Variants in VSIG8 observed in about 807,000 individuals in gnomAD.
VSIG8 encodes V-set and immunoglobulin domain containing 8.
Under a neutral mutation model 42.6 loss-of-function variants are expected in VSIG8, and 32 were observed. The ratio of observed to expected loss-of-function variants is 0.75; its 90% CI spans 0.57 to 1.01. The LOEUF (loss-of-function observed/expected upper bound fraction) is 1.01. Ranked by LOEUF, VSIG8 falls within the 50% of genes least tolerant of loss-of-function variation. The probability of loss-of-function intolerance (pLI) is 0.00; values close to 1 mark genes in which losing one functional copy is unlikely to be tolerated. For missense variants in VSIG8, 529 were observed against 558.0 expected, an observed-to-expected ratio of 0.95 and a Z score of 0.52; for synonymous variants, 290 against 243.8, an observed-to-expected ratio of 1.19 and a Z score of -1.77.
At chr1:159,856,736 G>A (rs1648842761) in intron 4 of VSIG8, 93 bp from the exon 5 acceptor site, 2 of 1,541,478 alleles carry the variant, frequency 1.3e-6, no homozygotes, top group Non-Finnish European at 1.8e-6. Flanking sequence ...CACTCTAGAA[G>A]AAGGGAAGGC....
At chr1:159,855,059 G>A in intron 6 of VSIG8, 33 bp from the exon 7 acceptor site, 2 of 1,567,312 alleles carry the variant, frequency 1.3e-6, no homozygotes, top group Middle Eastern at 1.8e-4. Context: ...GGGTGAGCGG[G>A]CTGCTCCGCA....
intron 1 of VSIG8, among the ~76,000 whole-genome samples, chr1:159,859,492 GTC>G (rs1457430572): frequency 6.6e-6 from 1 of 152,222 alleles, no homozygotes; most frequent in Non-Finnish European, 1.5e-5. Context: ...GACTAAGTGT[GTC>G]TATGTGTGTC....
At chr1:159,857,181 C>T (rs2101828945) in intron 4 of VSIG8, among the ~76,000 whole-genome samples, 1 of 152,280 alleles carries the variant, frequency 6.6e-6, no homozygotes, top group East Asian at 1.9e-4. Context: ...GTGTCCCAGC[C>T]AGGATTCAAG....
intron 4 of VSIG8, 84 bp downstream of exon 4, chr1:159,857,661 T>TG: frequency 8.6e-7 from 1 of 1,161,530 alleles, no homozygotes; most frequent in Non-Finnish European, 1.2e-6. Context: ...TTGATGGCAC[T>TG]GATAACCCAA....
chr1:159,856,006 A>G lies in VSIG8; in HGVS notation c.848T>C (p.Ile283Thr). The G allele has an allele frequency of 6.2e-7, 1 of 1,610,198 alleles. No homozygotes were observed. The highest frequency in any genetic ancestry group is 8.5e-7 in the Non-Finnish European group (1 of 1,178,516). Residue 283 changes from isoleucine (I) to threonine (T), a missense_variant, in exon 6 of 7, where the codon ATC (isoleucine) becomes ACC (threonine). Ile to Thr is a moderately conservative substitution (Grantham distance 89, BLOSUM62 -1). Transcript: ENST00000368100. ...LLALGCLAVG[I>T]WGLVCCCCGG... ...GCAGCAGCAGCAGACGAGCCCCCAG[A>G]TGCCTACGGCCAGGCAGCCCAGCGC...
At chr1:159,857,456 T>C (rs914723495) in intron 4 of VSIG8, among the ~76,000 whole-genome samples, 4 of 151,728 alleles carry the variant, frequency 2.6e-5, no homozygotes, top group Non-Finnish European at 5.9e-5. Flanking sequence ...ATGCCTGTAA[T>C]CCCAGCTACT....
At chr1:159,860,579 C>T (rs1443245848) in intron 1 of VSIG8, 1 of 152,248 alleles carries the variant, frequency 6.6e-6, no homozygotes, top group Non-Finnish European at 1.5e-5. Context: ...AGCTAGACTC[C>T]AAGGTGACCC....
In VSIG8 at chr1:159,857,896, G is replaced by A. The variant is rs1196940046; in HGVS notation, c.501C>T (p.Cys167=). 6.2e-7 allele frequency: 1 copy of A among 1,614,110 alleles called. No homozygotes were observed. The highest frequency in any genetic ancestry group is 2.2e-5 in the East Asian group (1 of 44,892). Residue 167 remains cysteine, a synonymous_variant, in exon 4 of 7, where the codon TGC becomes TGT. Coordinates refer to ENST00000368100, the MANE Select transcript of VSIG8 (RefSeq NM_001013661.1). ...GGGGCTGGGAGCCCCCACTGGCATA[G>A]CACTTCAGCACCACATCGTTGCCAT... is the stretch of plus-strand genomic sequence containing the variant. ...MTYGNDVVLK[C]YASGGSQPLS...
At chr1:159,856,739 G>A (rs965073999) in intron 4 of VSIG8, 96 bp from the exon 5 acceptor site, 34 of 1,536,134 alleles carry the variant, frequency 2.2e-5, no homozygotes, top group Non-Finnish European at 2.7e-5. Context: ...TCTAGAAGAA[G>A]GGAAGGCTTA....
rs537866417 is a variant in VSIG8 at position 159,854,463 on chromosome 1, C to A, written c.*290G>T. The A allele has an allele frequency of 4.1e-5, 20 of 486,894 alleles. No individual in the cohort carries two copies. The highest frequency in any genetic ancestry group is 2.6e-4 in the African/African-American group (13 of 49,390). 30.2% of individuals were successfully genotyped at this position (486,894 alleles called of 1,614,324 possible). A position where few individuals can be genotyped will look rare whatever the true frequency, so the allele number is the denominator to read the frequency against. On this transcript the variant is annotated 3_prime_UTR_variant, in exon 7 of 7. Transcript: ENST00000368100. ...GGGGACACCAGGCCTCCGGCCTCAG[C>A]CGCTCTAGGACACTCAGCCTCCTCC...
chr1:159,858,337 G>T, intron 2 of VSIG8, 46 bp from the exon 3 acceptor site: 1 of 1,603,150 alleles, frequency 6.2e-7, no homozygotes, highest in Non-Finnish European at 8.5e-7. Context: ...GCAGAGCCAA[G>T]AAGGGCCATG....
In VSIG8 at chr1:159,858,900, G is replaced by A; in HGVS notation, c.62C>T (p.Ala21Val). 1 of 1,613,398 alleles carries A rather than the reference G, an allele frequency of 6.2e-7. No homozygotes were observed. Among genetic ancestry groups the A allele is most frequent in the Non-Finnish European group, 8.5e-7 (1 of 1,179,758 alleles). The change falls in exon 2 of 7, where the codon GCT (alanine) becomes GTT (valine). Residue 21 changes from alanine (A) to valine (V), a missense_variant. Physicochemically the swap from Ala to Val is moderately conservative, Grantham distance 64. Coordinates refer to ENST00000368100, the MANE Select transcript of VSIG8 (RefSeq NM_001013661.1). ...LVCLSPALLS[A>V]VRINGDGQEV... Reference sequence around the variant, plus strand: ...CTGTCCATCCCCGTTGATCCGCACAGCAGACAGCAGTGCTAGGGGGAGGGC... The same window carrying A: ...CTGTCCATCCCCGTTGATCCGCACAACAGACAGCAGTGCTAGGGGGAGGGC...
chr1:159,862,273 A>G, intron 1 of VSIG8, 200 bp downstream of exon 1: 1 of 549,046 alleles, frequency 1.8e-6, no homozygotes, highest in Non-Finnish European at 3.2e-6. Context: ...CACTACAGAC[A>G]CACACCCTGA....
Position 159,858,154 on chromosome 1 carries a change from G to T in VSIG8, c.366C>A (p.Ala122=), listed in dbSNP as rs1417734797. 1 of 1,614,090 alleles carries T rather than the reference G, an allele frequency of 6.2e-7. No homozygotes were observed. The highest frequency in any genetic ancestry group is 1.3e-5 in the African/African-American group (1 of 74,918). The part of the protein sequence containing the change: ...NLMNLQVSDT[A]TYECRVKKTT... ...TCTTCTTCACCCGGCACTCATAAGT[G>T]GCTGTATCAGATACCTGCAGGTTCA... Residue 122 remains alanine (A), a synonymous_variant, in exon 3 of 7, where the codon GCC becomes GCA. Coordinates refer to ENST00000368100, the MANE Select transcript of VSIG8 (RefSeq NM_001013661.1).
intron 1 of VSIG8, chr1:159,861,326 A>C (rs1311714830): frequency 2.6e-5 from 4 of 151,936 alleles, no homozygotes; most frequent in Non-Finnish European, 4.4e-5. Flanking sequence ...CTGAATCTTC[A>C]AGGTGCTTCC....
At position 159,856,137 on chromosome 1, in the gene VSIG8, G is replaced by C. The variant is rs950703254; in HGVS notation, c.773-56C>G. On this transcript the variant is annotated intron_variant, in intron 5 of 6. Coordinates refer to ENST00000368100, the MANE Select transcript of VSIG8 (RefSeq NM_001013661.1). ...TTCTCACAGCCTGGCAGGTGCCTGA[G>C]GGAACAGCACCAGGAGGTGCCAGGT... 6.5e-6 allele frequency: 10 copies of C among 1,545,662 alleles called. No homozygotes were observed. In the East Asian group the frequency reaches 2.4e-4, roughly 37 times the overall value.
chr1:159,856,426 C>T (rs1648827299), intron 5 of VSIG8, 98 bp downstream of exon 5: 1 of 1,577,032 alleles, frequency 6.3e-7, no homozygotes, highest in Non-Finnish European at 8.6e-7. Flanking sequence ...AAATGGATGG[C>T]AGTGGAAAGG....
intron 1 of VSIG8, 115 bp downstream of exon 1, chr1:159,862,358 G>A (rs1409631603): frequency 2.0e-5 from 23 of 1,159,886 alleles, no homozygotes; most frequent in Non-Finnish European, 2.5e-5. Flanking sequence ...GCAAGGGTGG[G>A]CAGCACCCTG....
At position 159,854,711 on chromosome 1, in the gene VSIG8, CCCT is replaced by C; in HGVS notation, c.*39_*41del. The C allele has an allele frequency of 4.2e-6, 6 of 1,422,388 alleles. No individual in the cohort carries two copies. Among genetic ancestry groups the C allele is most frequent in the Non-Finnish European group, 5.5e-6 (6 of 1,097,274 alleles). 88.1% of individuals were successfully genotyped at this position (1,422,388 alleles called of 1,614,324 possible). On this transcript the variant is annotated 3_prime_UTR_variant, in exon 7 of 7. Transcript: ENST00000368100. ...CCAGCTGCAGACAGAGAGCCCCGCG[CCCT>C]CCTCCTGGCTGGGGCGCAGCCCGGC...
Sources: allele counts gnomAD v4.1 joint callset (sites outside exome capture counted in the v4.1 genomes callset), GRCh38; gene constraint gnomAD v4.1.1; transcripts MANE v1.5; gene names NCBI Gene and HGNC (gene_info 2026-07-23, HGNC 2026-07-21).